Variants in WWOX observed in about 807,000 individuals in gnomAD.
The protein encoded by WWOX is WW domain-containing oxidoreductase.
In WWOX, 69 loss-of-function variants were observed where a neutral mutation model predicts 46.2. That is an observed-to-expected ratio of 1.49 (90% CI 1.23 to 1.82). WWOX has a LOEUF of 1.82. WWOX is among the 40% of genes most tolerant of loss of function. WWOX has a pLI of 0.00. For missense variants in WWOX, 919 were observed against 542.6 expected (o/e 1.69, Z -6.89); for synonymous variants, 359 against 202.6 (o/e 1.77, Z -6.56).
At chr16:78,846,603 T>C (rs1290300445) in intron 8 of WWOX, among the ~76,000 whole-genome samples, 1 of 152,186 alleles carries the variant, frequency 6.6e-6, no homozygotes. Flanking sequence ...AGAGGATGTG[T>C]AATGTGAAAA....
At chr16:78,726,174 TTC>T (rs548194273) in intron 8 of WWOX, among the ~76,000 whole-genome samples, 14 of 146,730 alleles carry the variant, frequency 9.5e-5, no homozygotes, top group South Asian at 9.0e-4. Context: ...TGTCTCTCTT[TTC>T]TCTCTCTCTC....
intron 8 of WWOX, among the ~76,000 whole-genome samples, chr16:78,930,185 A>T (rs762348721): frequency 2.1e-4 from 31 of 148,982 alleles, no homozygotes; most frequent in Admixed American, 1.1e-3. Context: ...AAATTACACC[A>T]TACCCCAGAG....
At chr16:79,064,935 C>T (rs2048415698) in intron 8 of WWOX, among the ~76,000 whole-genome samples, 1 of 152,140 alleles carries the variant, frequency 6.6e-6, no homozygotes, top group African/African-American at 2.4e-5. Flanking sequence ...CAAATGGCGC[C>T]AGGAATCTGT....
chr16:78,564,380 G>A (rs537853160), intron 8 of WWOX, among the ~76,000 whole-genome samples: 178 of 152,290 alleles, frequency 1.2e-3, no homozygotes, highest in Non-Finnish European at 2.0e-3. Context: ...CCTCGCTGAT[G>A]CCCTGGCTAG....
chr16:78,633,287 G>A (rs1010300240), intron 8 of WWOX, among the ~76,000 whole-genome samples: 1 of 152,096 alleles, frequency 6.6e-6, no homozygotes, highest in Non-Finnish European at 1.5e-5. Flanking sequence ...AAAAAAACAA[G>A]AAGTTAAGGA....
At chr16:78,569,165 T>C (rs1395949233) in intron 8 of WWOX, among the ~76,000 whole-genome samples, 2 of 152,172 alleles carry the variant, frequency 1.3e-5, no homozygotes, top group Admixed American at 6.5e-5. Context: ...AAGAACCCTA[T>C]GGGCAGAAAT....
At chr16:78,940,649 GTCTT>G (rs1354172170) in intron 8 of WWOX, among the ~76,000 whole-genome samples, 1 of 148,176 alleles carries the variant, frequency 6.7e-6, no homozygotes, top group Non-Finnish European at 1.5e-5. Flanking sequence ...GTGCACATAT[GTCTT>G]TCTTTCTTTT....
chr16:78,687,120 A>G (rs75784517), intron 8 of WWOX, among the ~76,000 whole-genome samples: 2,011 of 152,246 alleles, frequency 0.013, 21 homozygotes, highest in South Asian at 0.041. Context: ...TACTGATGAC[A>G]TAAAAGGTTA....
intron 7 of WWOX, among the ~76,000 whole-genome samples, chr16:78,429,141 A>G (rs928116772): frequency 3.9e-5 from 6 of 152,220 alleles, no homozygotes; most frequent in South Asian, 4.1e-4. Context: ...CTTACAGTCT[A>G]CTTTCCAAGA....
intron 4 of WWOX, among the ~76,000 whole-genome samples, chr16:78,161,961 T>C (rs928498788): frequency 2.0e-5 from 3 of 152,180 alleles, no homozygotes; most frequent in Non-Finnish European, 2.9e-5. Context: ...TTGCTATATA[T>C]TTTAAAACTC....
In WWOX at chr16:79,016,155, C is replaced by T. The variant is rs74808248; in HGVS notation, c.1057-195453C>T. On this transcript the variant is annotated intron_variant, in intron 8 of 8. Coordinates refer to ENST00000566780, the MANE Select transcript of WWOX (RefSeq NM_016373.4). Reference sequence around the variant, plus strand: ...TAAGCTATCGATTACCTCCAAAAGGCCCTGAATGTTTCAGAAAGAAAGGAT... The same window carrying T: ...TAAGCTATCGATTACCTCCAAAAGGTCCTGAATGTTTCAGAAAGAAAGGAT... 530 of 152,328 alleles carry T rather than the reference C, an allele frequency of 3.5e-3. 15 individuals carry two copies. In the South Asian group the frequency reaches 0.043, roughly 12 times the overall value. 9.4% of individuals were successfully genotyped at this position (152,328 alleles called of 1,614,324 possible).
intron 8 of WWOX, among the ~76,000 whole-genome samples, chr16:78,807,947 C>T (rs895341472): frequency 2.6e-5 from 4 of 152,204 alleles, no homozygotes; most frequent in Non-Finnish European, 4.4e-5. Flanking sequence ...TTCATTTCAT[C>T]GGACAGTTTA....
intron 5 of WWOX, among the ~76,000 whole-genome samples, chr16:78,299,984 C>T (rs1226665147): frequency 6.6e-6 from 1 of 152,122 alleles, no homozygotes; most frequent in Non-Finnish European, 1.5e-5. Flanking sequence ...GGCTTGGCCG[C>T]AGTGTTGGTT....
chr16:78,353,633 T>G (rs1055689736), intron 5 of WWOX, among the ~76,000 whole-genome samples: 1 of 152,262 alleles, frequency 6.6e-6, no homozygotes, highest in African/African-American at 2.4e-5. Context: ...GTATTATCTT[T>G]GCCATTACCT....
At chr16:78,538,324 A>G (rs773850423) in intron 8 of WWOX, among the ~76,000 whole-genome samples, 69 of 151,820 alleles carry the variant, frequency 4.5e-4, no homozygotes, top group Non-Finnish European at 8.2e-4. Context: ...TCAGATAGCA[A>G]TATCTAGGCA....
chr16:78,101,883 G>C (rs1249667455), intron 1 of WWOX, among the ~76,000 whole-genome samples: 2 of 152,218 alleles, frequency 1.3e-5, no homozygotes, highest in Non-Finnish European at 2.9e-5. Context: ...TTAGGGCACA[G>C]TGACATGTGT....
At chr16:78,442,105 C>A (rs2083457722) in intron 8 of WWOX, among the ~76,000 whole-genome samples, 2 of 151,296 alleles carry the variant, frequency 1.3e-5, no homozygotes, top group Admixed American at 6.6e-5. Flanking sequence ...CCCCTGCACT[C>A]CATCCTGGGT....
chr16:78,511,878 A>T (rs1326624306), intron 8 of WWOX, among the ~76,000 whole-genome samples: 1 of 152,182 alleles, frequency 6.6e-6, no homozygotes, highest in African/African-American at 2.4e-5. Flanking sequence ...TAAATACAAC[A>T]TGCTGTTTAT....
intron 8 of WWOX, among the ~76,000 whole-genome samples, chr16:79,071,544 T>C (rs1180192738): frequency 6.6e-6 from 1 of 152,178 alleles, no homozygotes; most frequent in Non-Finnish European, 1.5e-5. Flanking sequence ...AGGAGAGCTG[T>C]TTCAGGTTTT....
Sources: gnomAD v4.1 joint callset for allele counts (sites outside exome capture counted in the v4.1 genomes callset) on GRCh38, gnomAD v4.1.1 for gene constraint, MANE v1.5 for transcripts, NCBI Gene and HGNC (gene_info 2026-07-23, HGNC 2026-07-21) for gene names.